The following SCHIP1 variants were observed in gnomAD, a reference collection of about 807,000 sequenced individuals.
SCHIP1 encodes the protein schwannomin interacting protein 1.
A neutral mutation model predicts 29.7 loss-of-function variants in SCHIP1; 8 were observed. The observed-to-expected ratio is 0.27, with a 90% CI of 0.16 to 0.49. The LOEUF (loss-of-function observed/expected upper bound fraction) is 0.49, where lower values mean the gene tolerates loss of function less well. Ranked by LOEUF, SCHIP1 falls within the 20% of genes least tolerant of loss-of-function variation. The pLI is 0.99. For synonymous variants in SCHIP1, 76 were observed against 94.9 expected (o/e 0.80, Z 1.16); for missense variants, 193 against 294.6 (o/e 0.66, Z 2.52).
chr3:159,680,301 G>C, the SCHIP1 span, among the ~76,000 whole-genome samples: 603 of 151,492 alleles, frequency 4.0e-3, 2 homozygotes, highest in African/African-American at 0.014. Context: ...ACGAGGTCAA[G>C]AGATTGAGAC....
the SCHIP1 span, among the ~76,000 whole-genome samples, chr3:159,638,627 A>G: frequency 6.6e-6 from 1 of 151,782 alleles, no homozygotes; most frequent in South Asian, 2.1e-4. Flanking sequence ...AAAAAAAAAA[A>G]AAAACAGCTA....
At chr3:159,798,953 G>C in the SCHIP1 span, among the ~76,000 whole-genome samples, 1 of 152,242 alleles carries the variant, frequency 6.6e-6, no homozygotes, top group East Asian at 1.9e-4. Context: ...TTGAACTTTT[G>C]CTTTTAATGA....
chr3:159,816,209 A>G, the SCHIP1 span, among the ~76,000 whole-genome samples: 1 of 151,738 alleles, frequency 6.6e-6, no homozygotes, highest in South Asian at 2.1e-4. Context: ...TCAGCTTCTC[A>G]AAGTGCTGGG....
chr3:159,830,189 A>G, the SCHIP1 span, among the ~76,000 whole-genome samples: 3 of 152,350 alleles, frequency 2.0e-5, no homozygotes, highest in South Asian at 2.1e-4. Flanking sequence ...ATGTAAAGCT[A>G]TATCTGGAAT....
At chr3:159,275,206 G>A in the SCHIP1 span, 2 of 419,812 alleles carry the variant, frequency 4.8e-6, no homozygotes, top group African/African-American at 4.3e-5. Context: ...TTTTTGAAAA[G>A]AATGAAAGGT....
the SCHIP1 span, among the ~76,000 whole-genome samples, chr3:159,754,000 T>C: frequency 1.3e-5 from 2 of 152,220 alleles, no homozygotes; most frequent in Non-Finnish European, 2.9e-5. Flanking sequence ...TGGGTACTTA[T>C]TGCAAACTGT....
At chr3:159,568,955 G>A in the SCHIP1 span, among the ~76,000 whole-genome samples, 1 of 152,236 alleles carries the variant, frequency 6.6e-6, no homozygotes, top group East Asian at 1.9e-4. Context: ...TATTATGGAG[G>A]TAGAGAAAGA....
the SCHIP1 span, among the ~76,000 whole-genome samples, chr3:159,711,355 C>T: frequency 3.4e-5 from 1 of 29,688 alleles, no homozygotes; most frequent in Non-Finnish European, 4.8e-5. Context: ...AGCGAGACTC[C>T]GTCTCAAAAA....
the SCHIP1 span, among the ~76,000 whole-genome samples, chr3:159,818,064 A>G: frequency 2.0e-5 from 3 of 152,322 alleles, no homozygotes; most frequent in Admixed American, 2.0e-4. Context: ...CCTCTCCACA[A>G]TAATCAGCCA....
At chr3:159,396,177 A>G in the SCHIP1 span, among the ~76,000 whole-genome samples, 59 of 148,412 alleles carry the variant, frequency 4.0e-4, no homozygotes, top group Admixed American at 3.3e-3. Context: ...TGCTTGGTAG[A>G]TCTTCCTCCA....
At chr3:159,657,893 C>T in the SCHIP1 span, among the ~76,000 whole-genome samples, 1 of 152,222 alleles carries the variant, frequency 6.6e-6, no homozygotes, top group Non-Finnish European at 1.5e-5. Context: ...ACATGAAGCA[C>T]ACCCTGACTT....
At chr3:159,392,078 G>C in the SCHIP1 span, among the ~76,000 whole-genome samples, 2 of 152,120 alleles carry the variant, frequency 1.3e-5, no homozygotes, top group African/African-American at 2.4e-5. Context: ...TTTGGTGTTT[G>C]TTTGTTTTTT....
chr3:159,767,521 TC>T, the SCHIP1 span, among the ~76,000 whole-genome samples: 1 of 152,206 alleles, frequency 6.6e-6, no homozygotes, highest in African/African-American at 2.4e-5. Context: ...ACTGTTCAAA[TC>T]CAATGATATT....
At chr3:159,777,640 A>G in the SCHIP1 span, among the ~76,000 whole-genome samples, 1 of 152,184 alleles carries the variant, frequency 6.6e-6, no homozygotes, top group Non-Finnish European at 1.5e-5. Context: ...AGAACTCCTT[A>G]AGAACAGAGT....
the SCHIP1 span, among the ~76,000 whole-genome samples, chr3:159,532,604 A>G: frequency 0.089 from 13,589 of 152,300 alleles, 761 homozygotes; most frequent in South Asian, 0.13. Flanking sequence ...TCATAAAGGA[A>G]AAAAATGTCT....
chr3:159,741,320 G>T, the SCHIP1 span, among the ~76,000 whole-genome samples: 1 of 152,160 alleles, frequency 6.6e-6, no homozygotes, highest in Non-Finnish European at 1.5e-5. Flanking sequence ...AGGAAAGAGG[G>T]ATTTCAGATA....
chr3:159,522,362 A>C, the SCHIP1 span, among the ~76,000 whole-genome samples: 493 of 152,368 alleles, frequency 3.2e-3, 5 homozygotes, highest in African/African-American at 0.011. Context: ...CTTGTAAAGC[A>C]TAGGGCGTGT....
the SCHIP1 span, among the ~76,000 whole-genome samples, chr3:159,828,666 C>A: frequency 6.6e-6 from 1 of 151,852 alleles, no homozygotes; most frequent in Non-Finnish European, 1.5e-5. Context: ...ACGGTCTGTT[C>A]TCTTCCCCAG....
chr3:159,574,257 C>T, the SCHIP1 span, among the ~76,000 whole-genome samples: 1 of 150,496 alleles, frequency 6.6e-6, no homozygotes, highest in Non-Finnish European at 1.5e-5. Flanking sequence ...TTTTATCTAC[C>T]TTTGGTCTTT....
Sources: gnomAD v4.1 joint callset for allele counts (sites outside exome capture counted in the v4.1 genomes callset) on GRCh38, gnomAD v4.1.1 for gene constraint, MANE v1.5 for transcripts, NCBI Gene and HGNC (gene_info 2026-07-23, HGNC 2026-07-21) for gene names.